Variants in MCC observed in about 807,000 individuals in gnomAD.
The protein encoded by MCC is MCC regulator of Wnt signaling pathway, also known as colorectal mutant cancer protein.
MCC carries 90 observed loss-of-function variants against 116.2 expected under a neutral mutation model. That is an observed-to-expected ratio of 0.77 (90% CI 0.65 to 0.92). MCC has a LOEUF of 0.92. MCC is among the 40% of genes least tolerant of loss of function. MCC has a pLI of 0.00. For synonymous variants in MCC, 578 were observed against 510.5 expected (o/e 1.13, Z -1.78); for missense variants, 1,516 against 1,312.2 (o/e 1.16, Z -2.40).
At chr5:113,410,104 TC>T (rs1194421402) in intron 1 of MCC, among the ~76,000 whole-genome samples, 1 of 152,156 alleles carries the variant, frequency 6.6e-6, no homozygotes, top group Non-Finnish European at 1.5e-5. Context: ...CCGTATAACT[TC>T]CCCCAACGGG....
chr5:113,205,031 T>C (rs1022604179), intron 3 of MCC, among the ~76,000 whole-genome samples: 4 of 152,174 alleles, frequency 2.6e-5, no homozygotes, highest in African/African-American at 9.7e-5. Flanking sequence ...CCACAGATAA[T>C]TCCATCACCA....
At chr5:113,130,712 TC>T (rs1224080731) in intron 5 of MCC, among the ~76,000 whole-genome samples, 2 of 152,060 alleles carry the variant, frequency 1.3e-5, no homozygotes, top group African/African-American at 4.8e-5. Context: ...GCCTGGCACA[TC>T]ATCCCTCTCA....
chr5:113,483,514 C>A (rs574016660), intron 1 of MCC, among the ~76,000 whole-genome samples: 114 of 152,186 alleles, frequency 7.5e-4, no homozygotes, highest in African/African-American at 2.7e-3. Flanking sequence ...GATTAGAGAT[C>A]ATTTTGATCT....
At chr5:113,296,635 AG>A (rs1766719331) in intron 3 of MCC, among the ~76,000 whole-genome samples, 1 of 152,146 alleles carries the variant, frequency 6.6e-6, no homozygotes. Flanking sequence ...TGGGTGAGAA[AG>A]GGGGGTTGGT....
chr5:113,086,557 G>C (rs149322379), intron 8 of MCC, among the ~76,000 whole-genome samples: 2 of 152,278 alleles, frequency 1.3e-5, no homozygotes, highest in East Asian at 3.9e-4. Flanking sequence ...TTTAAAACGT[G>C]CATTTACCTG....
chr5:113,434,890 C>A lies in MCC; in HGVS notation c.171-49678G>T, dbSNP rs1361793470. The A allele has an allele frequency of 6.4e-7, 1 of 1,563,494 alleles. No homozygotes were observed. Among genetic ancestry groups the A allele is most frequent in the Non-Finnish European group, 8.7e-7 (1 of 1,153,538 alleles). On this transcript the variant is annotated intron_variant, in intron 1 of 18. Transcript: ENST00000408903. This position sits in a 1 kb window ranked among gnomAD's most constrained non-coding sequence, Gnocchi z 4.2. ...GAGGCTGCCCTCTACAGCCCCGAGGCGCATGGGCCAGCAGTGTGCTCATTT... is the reference window on the plus strand; with the variant it reads ...GAGGCTGCCCTCTACAGCCCCGAGGAGCATGGGCCAGCAGTGTGCTCATTT...
intron 1 of MCC, among the ~76,000 whole-genome samples, chr5:113,398,235 G>A (rs1769584884): frequency 6.6e-6 from 1 of 152,174 alleles, no homozygotes; most frequent in Non-Finnish European, 1.5e-5. Context: ...CACTGTTGGT[G>A]GGAATGTAAA....
chr5:113,049,187 A>G lies in MCC; in HGVS notation c.2561T>C (p.Ile854Thr), dbSNP rs1372582307. 1 of 1,614,014 alleles carries G rather than the reference A, an allele frequency of 6.2e-7. No individual in the cohort carries two copies. The highest frequency in any genetic ancestry group is 1.3e-5 in the African/African-American group (1 of 74,934). The change falls in exon 16 of 19, where the codon ATT (isoleucine) becomes ACT (threonine). Residue 854 changes from isoleucine (I) to threonine (T), a missense_variant. Physicochemically the swap from Ile to Thr is moderately conservative, Grantham distance 89. Transcript: ENST00000408903. ...CTCCACCTCGGACTTCAGGTGCTCA[A>G]TGTGCACCAGGTAGGCCTGCTCCTG... ...EAQEQAYLVH[I>T]EHLKSEVEEQ...
intron 15 of MCC, among the ~76,000 whole-genome samples, chr5:113,050,594 G>C (rs1197499846): frequency 1.3e-5 from 2 of 152,230 alleles, no homozygotes; most frequent in African/African-American, 2.4e-5. Flanking sequence ...ATAAAAGCCA[G>C]AATGAAAGGT....
intron 1 of MCC, among the ~76,000 whole-genome samples, chr5:113,467,270 C>A (rs1044315074): frequency 6.7e-5 from 10 of 150,072 alleles, no homozygotes; most frequent in African/African-American, 2.4e-4. Context: ...ATGCCTATGT[C>A]CTGAATGGTA....
chr5:113,084,190 T>C lies in MCC; in HGVS notation c.1546A>G (p.Ile516Val). 6.2e-7 allele frequency: 1 copy of C among 1,613,466 alleles called. No individual in the cohort carries two copies. Among genetic ancestry groups the C allele is most frequent in the Non-Finnish European group, 8.5e-7 (1 of 1,179,434 alleles). ...TTTGATAGCTTCACCCTCTCAGCAA[T>C]CTTAAAAAAGAAAACAAAACATTAT... ...SSSNDIPIAK[I>V]AERVKLSKTR... Residue 516 changes from isoleucine to valine, a missense_variant and splice_region_variant, in exon 10 of 19, where the codon ATT (isoleucine) becomes GTT (valine). Coordinates refer to ENST00000408903, the MANE Select transcript of MCC (RefSeq NM_001085377.2).
At chr5:113,336,056 T>A (rs1767860517) in intron 3 of MCC, among the ~76,000 whole-genome samples, 1 of 151,252 alleles carries the variant, frequency 6.6e-6, no homozygotes, top group Non-Finnish European at 1.5e-5. Flanking sequence ...TATCACATGG[T>A]GAAAGAGTGC....
chr5:113,433,764 TG>T (rs747842861), intron 1 of MCC: 2 of 1,613,450 alleles, frequency 1.2e-6, no homozygotes, highest in South Asian at 1.1e-5. Flanking sequence ...TGGAGGCTGT[TG>T]GGGGGGCCCT....
intron 6 of MCC, 92 bp downstream of exon 6, chr5:113,122,592 A>T (rs923366618): frequency 1.5e-5 from 22 of 1,474,750 alleles, no homozygotes; most frequent in Non-Finnish European, 2.0e-5. Context: ...TTGAAAAATT[A>T]AATTTTAATT....
chr5:113,133,305 C>T (rs895466005), intron 5 of MCC, among the ~76,000 whole-genome samples: 1 of 152,112 alleles, frequency 6.6e-6, no homozygotes, highest in Non-Finnish European at 1.5e-5. Flanking sequence ...CCTACCCTTC[C>T]CAGCCTCTAA....
At chr5:113,074,405 T>C (rs142192506) in intron 11 of MCC, among the ~76,000 whole-genome samples, 2 of 152,210 alleles carry the variant, frequency 1.3e-5, no homozygotes, top group African/African-American at 4.8e-5. Context: ...TGACCAAAGG[T>C]AGATAAAACC....
intron 12 of MCC, among the ~76,000 whole-genome samples, chr5:113,069,152 T>C (rs768739247): frequency 6.6e-5 from 10 of 152,254 alleles, no homozygotes; most frequent in Non-Finnish European, 1.5e-4. Flanking sequence ...GTGGTTACCA[T>C]ATTGGGCAGT....
Position 113,185,157 on chromosome 5 carries a change from A to G in MCC, c.628-33735T>C, listed in dbSNP as rs541398550. The stretch of plus-strand genomic sequence containing the variant: ...AGAGAGAGTGGGCATAAGGGGTTGA[A>G]TTCATCCAACTTTGGATCCTGACTA... On this transcript the variant is annotated intron_variant, in intron 3 of 18. Transcript: ENST00000408903. Among the ~76,000 whole-genome samples, 20 of 152,306 alleles carry G rather than the reference A, an allele frequency of 1.3e-4. 1 individual carries two copies. The highest frequency in any genetic ancestry group is 4.8e-4 in the African/African-American group (20 of 41,562).
chr5:113,089,171 T>A (rs566544530), intron 8 of MCC, among the ~76,000 whole-genome samples: 12 of 152,118 alleles, frequency 7.9e-5, no homozygotes, highest in Admixed American at 5.9e-4. Flanking sequence ...GTAAACATTA[T>A]GATGGGAAAC....
Sources: allele counts gnomAD v4.1 joint callset (sites outside exome capture counted in the v4.1 genomes callset), GRCh38; gene constraint gnomAD v4.1.1; non-coding constraint Gnocchi (gnomAD v3.1); transcripts MANE v1.5; gene names NCBI Gene and HGNC (gene_info 2026-07-23, HGNC 2026-07-21).